Variants in KRT78 observed in about 807,000 individuals in gnomAD.
KRT78 encodes keratin, type II cytoskeletal 78.
Under a neutral mutation model 51.4 loss-of-function variants are expected in KRT78, and 55 were observed. That is an observed-to-expected ratio of 1.07 (90% CI 0.86 to 1.34). The LOEUF (loss-of-function observed/expected upper bound fraction) is 1.34, where lower values mean the gene tolerates loss of function less well. Among genes scored for constraint, KRT78 ranks in the 40% most tolerant of loss-of-function variants. The pLI, the probability that KRT78 is intolerant of heterozygous loss-of-function variation, is 0.00. For synonymous variants in KRT78, 291 were observed against 264.3 expected, an observed-to-expected ratio of 1.10 and a Z score of -0.98; for missense variants, 652 against 649.4, an observed-to-expected ratio of 1.00 and a Z score of -0.04.
intron 6 of KRT78, among the ~76,000 whole-genome samples, chr12:52,843,292 G>A (rs537647034): frequency 3.6e-4 from 54 of 151,008 alleles, no homozygotes; most frequent in Middle Eastern, 6.9e-3. Flanking sequence ...CCTTGAACCC[G>A]GAGGCAGAGG....
intron 1 of KRT78, 199 bp downstream of exon 1, chr12:52,848,348 T>C (rs1322769529): frequency 6.9e-7 from 1 of 1,454,006 alleles, no homozygotes; most frequent in Non-Finnish European, 9.3e-7. Flanking sequence ...CAGTTCTCTG[T>C]CCCTGAGCCC....
In KRT78 at chr12:52,839,335, A is replaced by G; in HGVS notation, c.1341T>C (p.Val447=). Residue 447 remains valine, a synonymous_variant, in exon 9 of 9, where the codon GTT becomes GTC. Coordinates refer to ENST00000304620, the MANE Select transcript of KRT78 (RefSeq NM_173352.4). ...CACAAGTGCTCCCCAAGCCTCCACC[A>G]ACTCCTCCAGACATGACAGCGCTGC... is the stretch of plus-strand genomic sequence containing the variant. ...VGGSAVMSGG[V]GGGLGSTCGL... is the part of the protein sequence containing the mutation. The G allele has an allele frequency of 6.2e-7, 1 of 1,613,930 alleles. No individual in the cohort carries two copies. Among genetic ancestry groups the G allele is most frequent in the South Asian group, 1.1e-5 (1 of 91,052 alleles).
At chr12:52,846,439 C>A in intron 3 of KRT78, 147 bp from the exon 4 acceptor site, 1 of 671,238 alleles carries the variant, frequency 1.5e-6, no homozygotes, top group Middle Eastern at 2.6e-4. Flanking sequence ...CCCACTCTGT[C>A]CTGCTCTCTC....
intron 7 of KRT78, 59 bp downstream of exon 7, chr12:52,839,705 T>C: frequency 2.6e-6 from 4 of 1,519,062 alleles, no homozygotes; most frequent in Non-Finnish European, 3.6e-6. Context: ...GCTCACTGTG[T>C]TGGCATCCCA....
At chr12:52,844,521 C>T (rs1443901984) in intron 5 of KRT78, 38 bp downstream of exon 5, 1 of 1,592,284 alleles carries the variant, frequency 6.3e-7, no homozygotes, top group East Asian at 2.2e-5. Flanking sequence ...GGAGACCTAG[C>T]CATTTCCAGC....
At chr12:52,848,461 G>A in intron 1 of KRT78, 86 bp downstream of exon 1, 3 of 1,564,296 alleles carry the variant, frequency 1.9e-6, no homozygotes, top group Admixed American at 3.8e-5. Flanking sequence ...GGTAGAAGGA[G>A]GCCAAACTTC....
intron 2 of KRT78, among the ~76,000 whole-genome samples, chr12:52,847,656 C>G (rs922364401): frequency 6.6e-6 from 1 of 152,236 alleles, no homozygotes; most frequent in African/African-American, 2.4e-5. Flanking sequence ...GTAGCTGGGG[C>G]ATGTAGGACA....
intron 4 of KRT78, among the ~76,000 whole-genome samples, chr12:52,845,592 T>C (rs1247867976): frequency 6.6e-6 from 1 of 152,260 alleles, no homozygotes; most frequent in African/African-American, 2.4e-5. Flanking sequence ...CCATTGCGTT[T>C]ATCACCTTCT....
intron 4 of KRT78, among the ~76,000 whole-genome samples, chr12:52,845,204 A>T (rs938299699): frequency 6.6e-6 from 1 of 151,748 alleles, no homozygotes; most frequent in African/African-American, 2.4e-5. Context: ...TTGTAGCGAC[A>T]GCGTTTCACT....
At chr12:52,843,909 T>C (rs905797980) in intron 6 of KRT78, among the ~76,000 whole-genome samples, 184 bp downstream of exon 6, 1 of 152,140 alleles carries the variant, frequency 6.6e-6, no homozygotes, top group African/African-American at 2.4e-5. Flanking sequence ...GCAGGAAGGC[T>C]GAATTCACCC....
rs1555182943 is a variant in KRT78 at position 52,843,008 on chromosome 12, A to AGGAAGGAG, written c.1047+1084_1047+1085insCTCCTTCC. On this transcript the variant is annotated intron_variant, in intron 6 of 8. Coordinates refer to ENST00000304620, the MANE Select transcript of KRT78 (RefSeq NM_173352.4). Reference sequence around the variant, plus strand: ...AAGGAAGGAAGGAAGGAAGGAAGGAAGGAGGGAGGGAGGGAGGGAGGGAGG... The same window carrying AGGAAGGAG: ...AAGGAAGGAAGGAAGGAAGGAAGGAAGGAAGGAGGGAGGGAGGGAGGGAGGGAGGGAGG... 6.2e-3 allele frequency among the ~76,000 whole-genome samples: 156 copies of AGGAAGGAG among 25,140 alleles called. 2 individuals are homozygous for AGGAAGGAG. Among genetic ancestry groups the AGGAAGGAG allele is most frequent in the African/African-American group, 9.0e-3 (80 of 8,854 alleles). The allele number at this position is 25,140 out of a possible 152,430, so 16.5% of individuals were successfully genotyped here.
chr12:52,838,032 C>T lies in KRT78; in HGVS notation c.*1081G>A, dbSNP rs908094288. The T allele has an allele frequency of 1.3e-5, 2 of 152,216 alleles. No homozygotes were observed. The highest frequency in any genetic ancestry group is 4.8e-5 in the African/African-American group (2 of 41,448). The allele number at this position is 152,216 out of a possible 1,614,324, so 9.4% of individuals were successfully genotyped here. On this transcript the variant is annotated 3_prime_UTR_variant, in exon 9 of 9. Transcript: ENST00000304620. The stretch of plus-strand genomic sequence containing the variant: ...TCCTCACCGGCTCTGGTCTCCTTCA[C>T]ACAAAGCTGAAAAGCCTTCTTGCAT...
rs1444744449 is a variant in KRT78, at chr12:52,848,799, A to G, written c.132T>C (p.Phe44=). 7.0e-7 allele frequency: 1 copy of G among 1,437,628 alleles called. No homozygotes were observed. The highest frequency in any genetic ancestry group is 1.9e-5 in the Admixed American group (1 of 52,116). The allele number at this position is 1,437,628 out of a possible 1,614,324, so 89.1% of individuals were successfully genotyped here. A position where few individuals can be genotyped will look rare whatever the true frequency, so the allele number is the denominator to read the frequency against. ...GGFSSRSLNS[F]GGCLEGSRGS... ...CACGAGAGCCTTCCAGGCACCCCCC[A>G]AAGGAATTAAGGCTCCTGCTGCTGA... The change falls in exon 1 of 9, where the codon TTT becomes TTC. Residue 44 remains phenylalanine, a synonymous_variant. Coordinates refer to ENST00000304620, the MANE Select transcript of KRT78 (RefSeq NM_173352.4).
Position 52,839,098 on chromosome 12 carries a change from T to C in KRT78, c.*15A>G, listed in dbSNP as rs1940412644. ...GGGCCAAATGTGTTCAGGAAGGAGGTGGCTGCTGGGTCGCTCAGTAGGTGA... is the reference window on the plus strand; with the variant it reads ...GGGCCAAATGTGTTCAGGAAGGAGGCGGCTGCTGGGTCGCTCAGTAGGTGA... On this transcript the variant is annotated 3_prime_UTR_variant, in exon 9 of 9. Transcript: ENST00000304620. 3.1e-6 allele frequency: 5 copies of C among 1,607,240 alleles called. 1 individual carries two copies. In the Middle Eastern group the frequency reaches 8.4e-4, roughly 271 times the overall value.
intron 2 of KRT78, among the ~76,000 whole-genome samples, chr12:52,847,373 T>C (rs7137391): frequency 0.13 from 19,394 of 152,058 alleles, 3,366 homozygotes; most frequent in African/African-American, 0.39. Context: ...CACTCACAGT[T>C]GCCCCAACCC....
intron 6 of KRT78, among the ~76,000 whole-genome samples, chr12:52,840,617 G>A (rs1940472130): frequency 6.6e-6 from 1 of 152,166 alleles, no homozygotes; most frequent in Non-Finnish European, 1.5e-5. Context: ...TGAGGCAGGA[G>A]AATTGCTTGA....
In KRT78 at chr12:52,839,832, C is replaced by T. The variant is rs750433170; in HGVS notation, c.1200G>A (p.Thr400=). The change falls in exon 7 of 9, where the codon ACG becomes ACA. Residue 400 remains threonine (T), a synonymous_variant. Transcript: ENST00000304620. ...ARLLCEYQEL[T]STKLSLDVEI... is the part of the protein sequence containing the mutation. ...CCACATCCAGGGAAAGCTTCGTGCT[C>T]GTCAGCTCCTGGTACTCGCACAGCA... is the stretch of plus-strand genomic sequence containing the variant. 6 of 1,613,922 alleles carry T rather than the reference C, an allele frequency of 3.7e-6. No individual in the cohort carries two copies. The highest frequency in any genetic ancestry group is 3.3e-5 in the Admixed American group (2 of 59,992).
At chr12:52,846,429 C>G (rs1940645214) in intron 3 of KRT78, 137 bp from the exon 4 acceptor site, 2 of 694,042 alleles carry the variant, frequency 2.9e-6, no homozygotes, top group Non-Finnish European at 2.6e-6. Flanking sequence ...CTCCTCCAGC[C>G]CCACTCTGTC....
intron 4 of KRT78, among the ~76,000 whole-genome samples, chr12:52,845,439 C>G (rs954530691): frequency 1.3e-5 from 2 of 152,212 alleles, no homozygotes; most frequent in Non-Finnish European, 2.9e-5. Flanking sequence ...AGAAACCCAC[C>G]TGCGTGGTGA....
Sources: allele counts gnomAD v4.1 joint callset (sites outside exome capture counted in the v4.1 genomes callset), GRCh38; gene constraint gnomAD v4.1.1; transcripts MANE v1.5; gene names NCBI Gene and HGNC (gene_info 2026-07-23, HGNC 2026-07-21).